Variants in TAF4B observed in about 807,000 individuals in gnomAD.
The protein encoded by TAF4B is TATA-box binding protein associated factor 4b.
A neutral mutation model predicts 86.4 loss-of-function variants in TAF4B; 38 were observed. That is an observed-to-expected ratio of 0.44 (90% CI 0.34 to 0.58). TAF4B has a LOEUF of 0.58. Among genes scored for constraint, TAF4B ranks in the 20% least tolerant of loss-of-function variants. The probability of loss-of-function intolerance (pLI) is 0.02; values close to 1 mark genes in which losing one functional copy is unlikely to be tolerated. For synonymous variants in TAF4B, 388 were observed against 391.2 expected (o/e 0.99, Z 0.10); for missense variants, 988 against 1,027.6 (o/e 0.96, Z 0.53).
chr18:26,310,012 G>T (rs2056837676), intron 9 of TAF4B, among the ~76,000 whole-genome samples: 1 of 151,980 alleles, frequency 6.6e-6, no homozygotes, highest in East Asian at 1.9e-4. Context: ...TAGTAGAGAT[G>T]GGGTTTCACC....
chr18:26,235,208 C>G (rs1424226340), intron 1 of TAF4B, among the ~76,000 whole-genome samples: 2 of 152,152 alleles, frequency 1.3e-5, no homozygotes, highest in African/African-American at 4.8e-5. Flanking sequence ...CTACTAGATA[C>G]AGTATTTGCC....
intron 1 of TAF4B, among the ~76,000 whole-genome samples, chr18:26,245,921 G>T (rs578241352): frequency 6.6e-6 from 1 of 152,286 alleles, no homozygotes; most frequent in Admixed American, 6.5e-5. Flanking sequence ...ACTTTCTGCT[G>T]TTAAAAATGA....
chr18:26,312,430 T>C (rs2056862729), intron 9 of TAF4B, among the ~76,000 whole-genome samples: 1 of 152,092 alleles, frequency 6.6e-6, no homozygotes, highest in Admixed American at 6.5e-5. Flanking sequence ...CCATGGTAAC[T>C]AGAGGGAGTT....
intron 9 of TAF4B, among the ~76,000 whole-genome samples, chr18:26,313,503 C>T (rs2056872555): frequency 6.6e-6 from 1 of 152,156 alleles, no homozygotes; most frequent in African/African-American, 2.4e-5. Context: ...TTTCTTTGCT[C>T]TGCATATTTC....
intron 14 of TAF4B, among the ~76,000 whole-genome samples, chr18:26,361,920 A>G (rs1055375623): frequency 6.6e-6 from 1 of 151,992 alleles, no homozygotes; most frequent in Non-Finnish European, 1.5e-5. Context: ...GTGCTATTTC[A>G]TCATTAAGTA....
chr18:26,341,111 G>T (rs1191461199), intron 13 of TAF4B, among the ~76,000 whole-genome samples: 1 of 151,532 alleles, frequency 6.6e-6, no homozygotes. Context: ...AAAAAAAATA[G>T]CATTGAACTG....
At chr18:26,271,942 A>G (rs1350117213) in intron 3 of TAF4B, among the ~76,000 whole-genome samples, 5 of 151,544 alleles carry the variant, frequency 3.3e-5, no homozygotes, top group Admixed American at 1.3e-4. Flanking sequence ...AAAAAAAAAA[A>G]AGACACTTTT....
In TAF4B at chr18:26,389,946, A is replaced by G. The variant is rs1208072355; in HGVS notation, c.2523A>G (p.Ile841Met). The change falls in exon 15 of 15, where the codon ATA becomes ATG. Residue 841 changes from isoleucine (I) to methionine (M), a missense_variant. Physicochemically the swap from Ile to Met is conservative, Grantham distance 10. Transcript: ENST00000269142. ...CGAGAATCTGCCTCAGGGACTTGAT[A>G]TTTTGTATGGAACAGGAACGGGAGA... ...RITRICLRDL[I>M]FCMEQEREMK... is the part of the protein sequence containing the mutation. The G allele has an allele frequency of 6.2e-7, 1 of 1,614,016 alleles. No individual in the cohort carries two copies. Among genetic ancestry groups the G allele is most frequent in the African/African-American group, 1.3e-5 (1 of 74,926 alleles).
At chr18:26,244,936 C>G (rs9964313) in intron 1 of TAF4B, among the ~76,000 whole-genome samples, 1 of 152,168 alleles carries the variant, frequency 6.6e-6, no homozygotes, top group Non-Finnish European at 1.5e-5. Flanking sequence ...CAGGGTCAAC[C>G]AACTTTTTGT....
At chr18:26,369,138 G>A (rs539143266) in intron 14 of TAF4B, among the ~76,000 whole-genome samples, 44 of 151,980 alleles carry the variant, frequency 2.9e-4, no homozygotes, top group Non-Finnish European at 5.4e-4. Context: ...GGCAAGGATC[G>A]CCAGATATTT....
intron 14 of TAF4B, among the ~76,000 whole-genome samples, chr18:26,382,805 G>A (rs533537350): frequency 1.2e-4 from 19 of 152,270 alleles, no homozygotes; most frequent in South Asian, 4.1e-4. Flanking sequence ...ATTCTAGTAA[G>A]TGATAAGTTA....
intron 11 of TAF4B, among the ~76,000 whole-genome samples, chr18:26,324,114 CA>C (rs2056985138): frequency 6.6e-6 from 1 of 152,198 alleles, no homozygotes; most frequent in Admixed American, 6.5e-5. Context: ...CCTAAATCTA[CA>C]ATCTAGTTTG....
At chr18:26,303,440 T>C (rs1423176855) in intron 9 of TAF4B, among the ~76,000 whole-genome samples, 822 of 12,518 alleles carry the variant, frequency 0.066, no homozygotes, top group Admixed American at 0.081. Context: ...ATCCTCCCTC[T>C]ACTTTCATAC....
intron 14 of TAF4B, among the ~76,000 whole-genome samples, chr18:26,370,995 C>T (rs1246473513): frequency 6.6e-6 from 1 of 151,878 alleles, no homozygotes; most frequent in Non-Finnish European, 1.5e-5. Context: ...ACATGTGGGT[C>T]CAGAGGATAT....
At chr18:26,350,797 G>A (rs1014806574) in intron 13 of TAF4B, among the ~76,000 whole-genome samples, 1 of 152,112 alleles carries the variant, frequency 6.6e-6, no homozygotes, top group South Asian at 2.1e-4. Flanking sequence ...AATCATCAGA[G>A]AAATGAAAAT....
intron 13 of TAF4B, among the ~76,000 whole-genome samples, chr18:26,355,182 G>A (rs2057278188): frequency 6.6e-6 from 1 of 152,252 alleles, no homozygotes; most frequent in Admixed American, 6.5e-5. Context: ...GTTTCCAATT[G>A]TACCTTAATG....
At chr18:26,238,956 A>G (rs971163916) in intron 1 of TAF4B, among the ~76,000 whole-genome samples, 2 of 152,170 alleles carry the variant, frequency 1.3e-5, no homozygotes, top group Admixed American at 1.3e-4. Context: ...TCCATAGTGT[A>G]TATGTGCCAC....
intron 1 of TAF4B, among the ~76,000 whole-genome samples, chr18:26,231,793 C>T (rs558975895): frequency 3.3e-5 from 5 of 152,168 alleles, no homozygotes; most frequent in Non-Finnish European, 5.9e-5. Flanking sequence ...AAAGAGTGAG[C>T]GGTAGCAAGG....
chr18:26,266,730 C>CA (rs2056244785), intron 2 of TAF4B: 1 of 152,174 alleles, frequency 6.6e-6, no homozygotes, highest in Non-Finnish European at 1.5e-5. Flanking sequence ...GACGTGGTGG[C>CA]AGGCGCCTGT....
Sources: allele counts gnomAD v4.1 joint callset (sites outside exome capture counted in the v4.1 genomes callset), GRCh38; gene constraint gnomAD v4.1.1; transcripts MANE v1.5; gene names NCBI Gene and HGNC (gene_info 2026-07-23, HGNC 2026-07-21).